Variants in ST3GAL3 observed in about 807,000 individuals in gnomAD.
The protein encoded by ST3GAL3 is ST3 beta-galactoside alpha-2,3-sialyltransferase 3.
Under a neutral mutation model 50.1 loss-of-function variants are expected in ST3GAL3, and 21 were observed. The ratio of observed to expected loss-of-function variants is 0.42; its 90% CI spans 0.30 to 0.60. The LOEUF is 0.60. ST3GAL3 is among the 20% of genes least tolerant of loss of function. The probability of loss-of-function intolerance (pLI) is 0.19; values close to 1 mark genes in which losing one functional copy is unlikely to be tolerated. For missense variants in ST3GAL3, 353 were observed against 489.4 expected, an observed-to-expected ratio of 0.72 and a Z score of 2.63; for synonymous variants, 183 against 190.0, an observed-to-expected ratio of 0.96 and a Z score of 0.30.
At chr1:43,872,815 T>C (rs1414391504) in intron 5 of ST3GAL3, among the ~76,000 whole-genome samples, 1 of 151,876 alleles carries the variant, frequency 6.6e-6, no homozygotes, top group Non-Finnish European at 1.5e-5. Flanking sequence ...GGAATGGAAG[T>C]TAGAGAGGGG....
At chr1:43,855,109 A>G (rs2068083024) in intron 5 of ST3GAL3, among the ~76,000 whole-genome samples, 1 of 152,224 alleles carries the variant, frequency 6.6e-6, no homozygotes, top group Admixed American at 6.5e-5. Context: ...TCAGCACTGC[A>G]TAAGTTACAT....
intron 9 of ST3GAL3, among the ~76,000 whole-genome samples, chr1:43,907,471 A>G (rs2079998748): frequency 6.6e-6 from 1 of 152,088 alleles, no homozygotes; most frequent in South Asian, 2.1e-4. Flanking sequence ...GGGGTCCTTG[A>G]TCATCTCAGA....
At chr1:43,741,219 C>T (rs1680796848) in intron 2 of ST3GAL3, among the ~76,000 whole-genome samples, 1 of 151,982 alleles carries the variant, frequency 6.6e-6, no homozygotes, top group African/African-American at 2.4e-5. Flanking sequence ...GTGCCAGCTA[C>T]TCGAGAGGCT....
chr1:43,828,328 AT>A (rs1278396903), intron 4 of ST3GAL3, among the ~76,000 whole-genome samples: 1 of 152,240 alleles, frequency 6.6e-6, no homozygotes, highest in Non-Finnish European at 1.5e-5. Context: ...AATTTATGTG[AT>A]TTTGGGTTTG....
intron 2 of ST3GAL3, among the ~76,000 whole-genome samples, chr1:43,763,266 AG>A (rs1470083602): frequency 6.6e-6 from 1 of 152,212 alleles, no homozygotes; most frequent in Non-Finnish European, 1.5e-5. Flanking sequence ...ATATACTGTT[AG>A]GTGTAAAAAA....
chr1:43,800,250 G>C (rs956816327), intron 3 of ST3GAL3, among the ~76,000 whole-genome samples: 1 of 152,234 alleles, frequency 6.6e-6, no homozygotes, highest in Non-Finnish European at 1.5e-5. Context: ...TACTGAATCA[G>C]TTAATTTAGT....
At chr1:43,807,272 C>G (rs61768439) in intron 3 of ST3GAL3, among the ~76,000 whole-genome samples, 1 of 151,850 alleles carries the variant, frequency 6.6e-6, no homozygotes, top group South Asian at 2.1e-4. Context: ...AAAAATTAGC[C>G]GGGCGTGGTG....
chr1:43,725,360 C>G (rs112328513), intron 1 of ST3GAL3, among the ~76,000 whole-genome samples: 1 of 152,042 alleles, frequency 6.6e-6, no homozygotes, highest in African/African-American at 2.4e-5. Flanking sequence ...TGCACCATCA[C>G]GCCCAGCTAA....
intron 5 of ST3GAL3, among the ~76,000 whole-genome samples, chr1:43,880,742 T>C (rs78788057): frequency 0.014 from 2,098 of 152,274 alleles, 45 homozygotes; most frequent in African/African-American, 0.048. Context: ...CAATAGTGTG[T>C]TCCCTAAGGG....
At chr1:43,742,238 C>G (rs1225351487) in intron 2 of ST3GAL3, among the ~76,000 whole-genome samples, 2 of 151,624 alleles carry the variant, frequency 1.3e-5, no homozygotes, top group Non-Finnish European at 3.0e-5. Context: ...CCCCTGGCGT[C>G]CAGCTGAGAC....
At chr1:43,851,474 A>G (rs868564749) in intron 5 of ST3GAL3, 3 of 1,601,120 alleles carry the variant, frequency 1.9e-6, no homozygotes, top group Admixed American at 1.7e-5. Context: ...GCTCATGAGT[A>G]AAGTCAGTCC....
chr1:43,818,730 TA>T (rs1407121729), intron 4 of ST3GAL3, among the ~76,000 whole-genome samples: 1 of 151,984 alleles, frequency 6.6e-6, no homozygotes, highest in African/African-American at 2.4e-5. Context: ...ACTATATGCA[TA>T]GAATAGGGAA....
intron 9 of ST3GAL3, among the ~76,000 whole-genome samples, chr1:43,901,524 A>G (rs1205140541): frequency 3.3e-5 from 5 of 152,192 alleles, no homozygotes; most frequent in African/African-American, 1.2e-4. Context: ...CATCCAAGGG[A>G]GTAAGGAAAG....
At chr1:43,725,488 G>A (rs1672517555) in intron 1 of ST3GAL3, among the ~76,000 whole-genome samples, 1 of 151,950 alleles carries the variant, frequency 6.6e-6, no homozygotes, top group African/African-American at 2.4e-5. Flanking sequence ...ATGAGCCGCT[G>A]CGCCTGGCCT....
intron 2 of ST3GAL3, among the ~76,000 whole-genome samples, chr1:43,791,331 C>T (rs1374231535): frequency 6.6e-6 from 1 of 152,138 alleles, no homozygotes; most frequent in Non-Finnish European, 1.5e-5. Context: ...AGGATAGAGA[C>T]CATGCTTTTT....
chr1:43,856,307 CA>C (rs781135238), intron 5 of ST3GAL3, among the ~76,000 whole-genome samples: 5 of 152,116 alleles, frequency 3.3e-5, no homozygotes, highest in Non-Finnish European at 7.3e-5. Context: ...GTCAAATTTG[CA>C]AAAACCCTTT....
At chr1:43,871,538 G>C (rs1361009748) in intron 5 of ST3GAL3, among the ~76,000 whole-genome samples, 1 of 133,518 alleles carries the variant, frequency 7.5e-6, no homozygotes, top group East Asian at 2.4e-4. Flanking sequence ...TGAGGGAGAG[G>C]ATGGGGTGTG....
At chr1:43,902,442 A>G (rs907625463) in intron 9 of ST3GAL3, among the ~76,000 whole-genome samples, 8 of 152,188 alleles carry the variant, frequency 5.3e-5, no homozygotes, top group Non-Finnish European at 1.5e-5. Context: ...AGGACAGCCA[A>G]ACAACCCAGA....
chr1:43,846,957 GA>G (rs2066358061), intron 5 of ST3GAL3, among the ~76,000 whole-genome samples: 1 of 152,046 alleles, frequency 6.6e-6, no homozygotes, highest in African/African-American at 2.4e-5. Context: ...TCAACAACAA[GA>G]AAAAAACTGA....
Sources: allele counts gnomAD v4.1 joint callset (sites outside exome capture counted in the v4.1 genomes callset), GRCh38; gene constraint gnomAD v4.1.1; transcripts MANE v1.5; gene names NCBI Gene and HGNC (gene_info 2026-07-23, HGNC 2026-07-21).